Variants in PAFAH1B1 observed in about 807,000 individuals in gnomAD.
PAFAH1B1 encodes the protein platelet-activating factor acetylhydrolase IB subunit beta.
In PAFAH1B1, 2 loss-of-function variants were observed where a neutral mutation model predicts 57.5. That is an observed-to-expected ratio of 0.03 (90% CI 0.01 to 0.11). PAFAH1B1 has a LOEUF of 0.11. Ranked by LOEUF, PAFAH1B1 falls within the 10% of genes least tolerant of loss-of-function variation. The pLI is 1.00. For missense variants in PAFAH1B1, 257 were observed against 512.0 expected (o/e 0.50, Z 4.81); for synonymous variants, 152 against 169.6 (o/e 0.90, Z 0.81).
Position 2,684,389 on chromosome 17 carries a change from G to A in PAFAH1B1, c.*2587G>A, listed in dbSNP as rs1333393086. 1.3e-5 allele frequency: 2 copies of A among 152,654 alleles called. No homozygotes were observed. The highest frequency in any genetic ancestry group is 2.9e-5 in the Non-Finnish European group (2 of 68,058). 9.5% of individuals were successfully genotyped at this position (152,654 alleles called of 1,614,324 possible). The stretch of plus-strand genomic sequence containing the variant: ...GATAAGGACAATGATGAGGTTACTG[G>A]TTTGGATTGTAAGTAGAGGACTTTT... On this transcript the variant is annotated 3_prime_UTR_variant, in exon 11 of 11. Coordinates refer to ENST00000397195, the MANE Select transcript of PAFAH1B1 (RefSeq NM_000430.4).
chr17:2,667,578 A>T, intron 5 of PAFAH1B1: 1 of 246,476 alleles, frequency 4.1e-6, no homozygotes, highest in Non-Finnish European at 8.1e-6. Flanking sequence ...GTGCTTGAAC[A>T]ATTTTTGTTC....
intron 1 of PAFAH1B1, among the ~76,000 whole-genome samples, chr17:2,627,679 G>A (rs1326829914): frequency 6.6e-6 from 1 of 152,184 alleles, no homozygotes; most frequent in Non-Finnish European, 1.5e-5. Flanking sequence ...GCTTTTGGCA[G>A]TATGGTCATT....
chr17:2,663,261 G>A (rs2069045314), intron 2 of PAFAH1B1, among the ~76,000 whole-genome samples: 1 of 152,114 alleles, frequency 6.6e-6, no homozygotes, highest in Non-Finnish European at 1.5e-5. Context: ...CTGGGCAACA[G>A]AGCAAAAAAT....
chr17:2,623,202 T>G (rs959923658), intron 1 of PAFAH1B1, among the ~76,000 whole-genome samples: 2 of 152,276 alleles, frequency 1.3e-5, no homozygotes, highest in Non-Finnish European at 2.9e-5. Flanking sequence ...GCTCCTTGCT[T>G]CTTATGCAGA....
chr17:2,638,344 T>A (rs1597542114), intron 2 of PAFAH1B1, 24 bp downstream of exon 2: 4 of 1,603,790 alleles, frequency 2.5e-6, no homozygotes, highest in Non-Finnish European at 3.4e-6. Context: ...TTTTGTGCTT[T>A]AAAAAAAATC....
At position 2,664,238 on chromosome 17, in the gene PAFAH1B1, AGTGTGTTTT is replaced by A. The variant is rs2069063242; in HGVS notation, c.33-1131_33-1123del. ...CCCACCAGTTATACAATACTACTGG[AGTGTGTTTT>A]GTTTTGTATTTTGAGACGTAGTTTC... On this transcript the variant is annotated intron_variant, in intron 2 of 10. Coordinates refer to ENST00000397195, the MANE Select transcript of PAFAH1B1 (RefSeq NM_000430.4). Among the ~76,000 whole-genome samples the A allele has an allele frequency of 2.0e-5, 3 of 151,938 alleles. No individual in the cohort carries two copies. The South Asian group carries it at 6.2e-4, about 32-fold the overall frequency.
chr17:2,638,858 C>G (rs1267363710), intron 2 of PAFAH1B1, among the ~76,000 whole-genome samples: 1 of 151,638 alleles, frequency 6.6e-6, no homozygotes, highest in East Asian at 2.0e-4. Context: ...AAGTTTAACG[C>G]AAAACAGACA....
chr17:2,634,574 C>T (rs2068597787), intron 1 of PAFAH1B1, among the ~76,000 whole-genome samples: 1 of 152,122 alleles, frequency 6.6e-6, no homozygotes, highest in South Asian at 2.1e-4. Context: ...TTATTTACTC[C>T]TGTTGTCCTA....
chr17:2,647,416 C>T (rs1213485776), intron 2 of PAFAH1B1, among the ~76,000 whole-genome samples: 1 of 151,838 alleles, frequency 6.6e-6, no homozygotes, highest in East Asian at 2.0e-4. Context: ...CACCTGTAAT[C>T]TCAGCTACTA....
chr17:2,604,576 T>A (rs555672160), intron 1 of PAFAH1B1, among the ~76,000 whole-genome samples: 7 of 152,216 alleles, frequency 4.6e-5, no homozygotes, highest in African/African-American at 1.7e-4. Flanking sequence ...TTCGAGAGGC[T>A]GAGGTGGGTG....
At chr17:2,680,058 C>T (rs1361441799) in intron 9 of PAFAH1B1, 106 bp from the exon 10 acceptor site, 8 of 1,007,140 alleles carry the variant, frequency 7.9e-6, no homozygotes, top group Non-Finnish European at 1.3e-5. Flanking sequence ...TTATTTTCTT[C>T]TGGTCTTTTG....
In PAFAH1B1 at chr17:2,665,291, A is replaced by G. The variant is rs1014059597; in HGVS notation, c.33-81A>G. The G allele has an allele frequency of 7.3e-5, 59 of 809,122 alleles. No individual in the cohort carries two copies. In the African/African-American group the frequency reaches 8.3e-4, roughly 11 times the overall value. The allele number at this position is 809,122 out of a possible 1,614,324, so 50.1% of individuals were successfully genotyped here. A position where few individuals can be genotyped will look rare whatever the true frequency, so the allele number is the denominator to read the frequency against. On this transcript the variant is annotated intron_variant, in intron 2 of 10. Transcript: ENST00000397195. ...TCTTGAAAAGAGTATCTTCAGGGTT[A>G]ATGAGATTTTAAATAAATTCTATTT...
chr17:2,662,531 G>A (rs2069032647), intron 2 of PAFAH1B1, among the ~76,000 whole-genome samples: 1 of 151,490 alleles, frequency 6.6e-6, no homozygotes, highest in South Asian at 2.1e-4. Context: ...AGCCTCCCAA[G>A]TAGCTGGGAT....
At chr17:2,593,587 C>CT (rs2068045878), upstream of PAFAH1B1, among the ~76,000 whole-genome samples, 2 of 148,612 alleles carry the variant, frequency 1.3e-5, no homozygotes, top group Non-Finnish European at 3.0e-5. Flanking sequence ...CCTGGCGGGT[C>CT]TGGGGCGGCG....
intron 6 of PAFAH1B1, among the ~76,000 whole-genome samples, chr17:2,671,738 C>T (rs968053129): frequency 2.6e-5 from 4 of 151,186 alleles, no homozygotes; most frequent in Admixed American, 6.6e-5. Context: ...AAGTAGCTGG[C>T]AATACAGGCA....
intron 1 of PAFAH1B1, among the ~76,000 whole-genome samples, chr17:2,612,647 C>T (rs1325568422): frequency 6.6e-6 from 1 of 152,120 alleles, no homozygotes; most frequent in Non-Finnish European, 1.5e-5. Context: ...GGGACTCTGT[C>T]CCCCAAGCTG....
intron 2 of PAFAH1B1, among the ~76,000 whole-genome samples, chr17:2,659,270 G>T (rs2068980841): frequency 6.6e-6 from 1 of 151,922 alleles, no homozygotes; most frequent in South Asian, 2.1e-4. Flanking sequence ...CAGGTACAGT[G>T]GCCCACGCCT....
Position 2,618,914 on chromosome 17 carries a change from C to T in PAFAH1B1, c.-190-19185C>T, listed in dbSNP as rs909366951. Reference sequence around the variant, plus strand: ...AGACTGCAGTGAGCCGAGATTGTACCATTGCACTCTAGGCTGGGCAATGGA... The same window carrying T: ...AGACTGCAGTGAGCCGAGATTGTACTATTGCACTCTAGGCTGGGCAATGGA... On this transcript the variant is annotated intron_variant, in intron 1 of 10. Transcript: ENST00000397195. 3.6e-5 allele frequency among the ~76,000 whole-genome samples: 5 copies of T among 138,692 alleles called. No homozygotes were observed. In the East Asian group the frequency reaches 6.7e-4, roughly 19 times the overall value. The allele number at this position is 138,692 out of a possible 152,430, so 91.0% of individuals were successfully genotyped here. A position where few individuals can be genotyped will look rare whatever the true frequency, so the allele number is the denominator to read the frequency against.
chr17:2,659,228 A>G (rs2151652631), intron 2 of PAFAH1B1, among the ~76,000 whole-genome samples: 1 of 149,770 alleles, frequency 6.7e-6, no homozygotes, highest in East Asian at 2.0e-4. Context: ...CCTGGATGAC[A>G]GAATAAGACT....
Sources: gnomAD v4.1 joint callset for allele counts (sites outside exome capture counted in the v4.1 genomes callset) on GRCh38, gnomAD v4.1.1 for gene constraint, MANE v1.5 for transcripts, NCBI Gene and HGNC (gene_info 2026-07-23, HGNC 2026-07-21) for gene names.